Variants in MAN1A2 observed in about 807,000 individuals in gnomAD.
MAN1A2 encodes the protein mannosyl-oligosaccharide 1,2-alpha-mannosidase IB.
In MAN1A2, 26 loss-of-function variants were observed where a neutral mutation model predicts 75.7. That is an observed-to-expected ratio of 0.34 (90% CI 0.25 to 0.48). The LOEUF (loss-of-function observed/expected upper bound fraction) is 0.48. Among genes scored for constraint, MAN1A2 ranks in the 20% least tolerant of loss-of-function variants. The pLI, the probability that MAN1A2 is intolerant of heterozygous loss-of-function variation, is 0.99. For missense variants in MAN1A2, 562 were observed against 775.5 expected, an observed-to-expected ratio of 0.72 and a Z score of 3.27; for synonymous variants, 247 against 264.6, an observed-to-expected ratio of 0.93 and a Z score of 0.65.
rs1647588045 is a variant in MAN1A2, at chr1:117,405,580, C to T, written c.590C>T (p.Thr197Ile). Residue 197 changes from threonine (T) to isoleucine (I), a missense_variant, in exon 3 of 13, where the codon ACA becomes ATA. By Grantham distance (89) the Thr-to-Ile change is moderately conservative (BLOSUM62 -1). Around this residue, in one of 2 missense-constraint regions of MAN1A2, gnomAD observed 434 missense variants for 645.7 expected, o/e 0.67. Coordinates refer to ENST00000356554, the MANE Select transcript of MAN1A2 (RefSeq NM_006699.5). ...AAACATGCTTGGGATAACTATAGGA[C>T]ATATGGGTGGGGACATAATGAACTC... ...MMKHAWDNYR[T>I]YGWGHNELRP... The T allele has an allele frequency of 6.2e-7, 1 of 1,605,392 alleles. No homozygotes were observed. The highest frequency in any genetic ancestry group is 2.2e-5 in the East Asian group (1 of 44,730).
intron 6 of MAN1A2, among the ~76,000 whole-genome samples, chr1:117,459,326 C>T (rs574277186): frequency 6.6e-6 from 1 of 152,118 alleles, no homozygotes; most frequent in African/African-American, 2.4e-5. Context: ...ATATATGGGG[C>T]AAGCAAGACT....
intron 8 of MAN1A2, among the ~76,000 whole-genome samples, chr1:117,491,296 T>A (rs1650876657): frequency 6.6e-6 from 1 of 152,052 alleles, no homozygotes; most frequent in African/African-American, 2.4e-5. Context: ...GATTTTAATT[T>A]GAAGTCAGTG....
intron 3 of MAN1A2, among the ~76,000 whole-genome samples, chr1:117,409,930 G>A (rs1195860974): frequency 6.6e-6 from 1 of 151,844 alleles, no homozygotes; most frequent in Non-Finnish European, 1.5e-5. Flanking sequence ...GGTATCCATG[G>A]AGGATTGGTT....
intron 1 of MAN1A2, among the ~76,000 whole-genome samples, chr1:117,381,560 C>G (rs1238665146): frequency 2.0e-5 from 3 of 152,038 alleles, no homozygotes; most frequent in Non-Finnish European, 2.9e-5. Flanking sequence ...GTATATGTGC[C>G]ACATTTTCTT....
At chr1:117,422,141 A>G (rs1014046080) in intron 5 of MAN1A2, among the ~76,000 whole-genome samples, 4 of 152,158 alleles carry the variant, frequency 2.6e-5, no homozygotes, top group Admixed American at 6.5e-5. Context: ...TGTAATCACC[A>G]GCATGATCAA....
intron 1 of MAN1A2, among the ~76,000 whole-genome samples, chr1:117,384,078 C>G (rs979114881): frequency 2.0e-5 from 3 of 152,110 alleles, no homozygotes; most frequent in African/African-American, 7.2e-5. Context: ...AAAGAACCAA[C>G]TTTTGGTTTC....
Position 117,523,988 on chromosome 1 carries a change from A to G in MAN1A2, c.*1031A>G, listed in dbSNP as rs1570812224. The G allele has an allele frequency of 6.6e-6, 1 of 152,302 alleles. No homozygotes were observed. The highest frequency in any genetic ancestry group is 1.9e-4 in the East Asian group (1 of 5,192). 9.4% of individuals were successfully genotyped at this position (152,302 alleles called of 1,614,324 possible). A position where few individuals can be genotyped will look rare whatever the true frequency, so the allele number is the denominator to read the frequency against. On this transcript the variant is annotated 3_prime_UTR_variant, in exon 13 of 13. Transcript: ENST00000356554. ...ATAAGCTAAATAAATTACTTTTATA[A>G]CTTACTAAAGCAGAACAAACAGTGA... is the stretch of plus-strand genomic sequence containing the variant.
chr1:117,402,141 T>C, intron 1 of MAN1A2, 45 bp from the exon 2 acceptor site: 1 of 1,553,516 alleles, frequency 6.4e-7, no homozygotes, highest in Non-Finnish European at 8.7e-7. Context: ...GTTGACATTC[T>C]TAAGTAGGCT....
At chr1:117,447,674 G>T (rs946978040) in intron 6 of MAN1A2, among the ~76,000 whole-genome samples, 1 of 151,976 alleles carries the variant, frequency 6.6e-6, no homozygotes, top group Non-Finnish European at 1.5e-5. Context: ...ATTAATTTTT[G>T]AGTGAGATTG....
intron 1 of MAN1A2, among the ~76,000 whole-genome samples, chr1:117,397,792 C>G (rs1647242755): frequency 6.6e-6 from 1 of 151,668 alleles, no homozygotes; most frequent in South Asian, 2.1e-4. Context: ...GCTGGGATTA[C>G]AGGCACCTAC....
intron 10 of MAN1A2, among the ~76,000 whole-genome samples, chr1:117,498,788 T>G (rs574614712): frequency 3.5e-4 from 53 of 152,036 alleles, no homozygotes; most frequent in Admixed American, 2.6e-3. Context: ...TTCCAGCAGG[T>G]TATTATATCC....
chr1:117,380,634 C>T (rs1002995543), intron 1 of MAN1A2, among the ~76,000 whole-genome samples: 1 of 152,148 alleles, frequency 6.6e-6, no homozygotes, highest in African/African-American at 2.4e-5. Flanking sequence ...AAATTTTCCC[C>T]TATTGAATAA....
intron 6 of MAN1A2, among the ~76,000 whole-genome samples, chr1:117,457,286 A>C (rs1649634262): frequency 6.6e-6 from 1 of 151,950 alleles, no homozygotes; most frequent in Non-Finnish European, 1.5e-5. Context: ...TTCATTGCAA[A>C]TTTTTTGTTA....
intron 12 of MAN1A2, 26 bp from the exon 13 acceptor site, chr1:117,522,799 C>A: frequency 6.2e-7 from 1 of 1,604,252 alleles, no homozygotes; most frequent in Non-Finnish European, 8.5e-7. Context: ...CTAACTGAAG[C>A]TCATTTCTCC....
intron 7 of MAN1A2, among the ~76,000 whole-genome samples, chr1:117,461,361 G>A (rs1318765384): frequency 5.9e-5 from 9 of 152,124 alleles, no homozygotes. Flanking sequence ...TTGATCTCAC[G>A]GAGGTAGAGA....
Position 117,405,663 on chromosome 1 carries a change from A to T in MAN1A2, c.655+18A>T, listed in dbSNP as rs200701774. On this transcript the variant is annotated intron_variant, in intron 3 of 12. Transcript: ENST00000356554. ...CATATTTGGTAAGTTTACTTTTTCT[A>T]ATTACTATTTCCATTTTCTACCTCC... is the stretch of plus-strand genomic sequence containing the variant. 1 of 1,374,388 alleles carries T rather than the reference A, an allele frequency of 7.3e-7. No homozygotes were observed. Among genetic ancestry groups the T allele is most frequent in the African/African-American group, 1.4e-5 (1 of 70,060 alleles). 85.1% of individuals were successfully genotyped at this position (1,374,388 alleles called of 1,614,324 possible). A position where few individuals can be genotyped will look rare whatever the true frequency, so the allele number is the denominator to read the frequency against.
In MAN1A2 at chr1:117,466,252, A is replaced by T. The variant is rs889441365; in HGVS notation, c.1075-82A>T. 4 of 896,620 alleles carry T rather than the reference A, an allele frequency of 4.5e-6. No homozygotes were observed. In the South Asian group the frequency reaches 5.3e-5, roughly 12 times the overall value. The allele number at this position is 896,620 out of a possible 1,614,324, so 55.5% of individuals were successfully genotyped here. A position where few individuals can be genotyped will look rare whatever the true frequency, so the allele number is the denominator to read the frequency against. ...GGAATAGGTGTAGATTCTGAGTAAG[A>T]AAAAACACAAAGCCTACATTAAAAC... On this transcript the variant is annotated intron_variant, in intron 7 of 12. Transcript: ENST00000356554.
intron 5 of MAN1A2, among the ~76,000 whole-genome samples, chr1:117,423,142 A>C (rs1241350858): frequency 1.3e-5 from 2 of 152,162 alleles, no homozygotes; most frequent in Admixed American, 1.3e-4. Context: ...GATGTTGAAA[A>C]GACTACTTTT....
In MAN1A2 at chr1:117,523,327, T is replaced by C. The variant is rs1651921694; in HGVS notation, c.*370T>C. The stretch of plus-strand genomic sequence containing the variant: ...CACCTTGCAGGAGTTCAAGATGGCC[T>C]TTGGAACCAATTATGTATTTGTTTC... On this transcript the variant is annotated 3_prime_UTR_variant, in exon 13 of 13. Transcript: ENST00000356554. 4.2e-6 allele frequency: 2 copies of C among 474,530 alleles called. No homozygotes were observed. The highest frequency in any genetic ancestry group is 8.6e-6 in the Non-Finnish European group (2 of 231,776). The allele number at this position is 474,530 out of a possible 1,614,324, so 29.4% of individuals were successfully genotyped here.
Sources: gnomAD v4.1 joint callset for allele counts (sites outside exome capture counted in the v4.1 genomes callset) on GRCh38, gnomAD v4.1.1 for gene constraint, gnomAD v4.1.1 regional missense constraint, MANE v1.5 for transcripts, NCBI Gene and HGNC (gene_info 2026-07-23, HGNC 2026-07-21) for gene names.